RCAN2: variants seen among roughly 807,000 people sequenced by gnomAD.
The protein encoded by RCAN2 is regulator of calcineurin 2, also known as calcipressin-2.
Under a neutral mutation model 23.6 loss-of-function variants are expected in RCAN2, and 9 were observed. That is an observed-to-expected ratio of 0.38 (90% CI 0.23 to 0.67). The LOEUF is 0.67. RCAN2 is among the 30% of genes least tolerant of loss of function. The pLI is 0.51. For missense variants in RCAN2, 273 were observed against 302.3 expected, an observed-to-expected ratio of 0.90 and a Z score of 0.72; for synonymous variants, 109 against 115.7, an observed-to-expected ratio of 0.94 and a Z score of 0.37.
At chr6:46,320,345 C>CA (rs2150361653) in intron 2 of RCAN2, among the ~76,000 whole-genome samples, 1 of 152,276 alleles carries the variant, frequency 6.6e-6, no homozygotes, top group Non-Finnish European at 1.5e-5. Flanking sequence ...AAGCAGAGTA[C>CA]AAAGTGCATC....
intron 2 of RCAN2, among the ~76,000 whole-genome samples, chr6:46,290,398 G>A (rs1762519714): frequency 1.3e-5 from 2 of 152,150 alleles, no homozygotes; most frequent in Non-Finnish European, 2.9e-5. Flanking sequence ...GAGAAAAAGA[G>A]AATACAGAAA....
intron 2 of RCAN2, among the ~76,000 whole-genome samples, chr6:46,391,792 G>C (rs1021488538): frequency 6.6e-6 from 1 of 152,100 alleles, no homozygotes; most frequent in Admixed American, 6.6e-5. Flanking sequence ...GAAGGTGAAG[G>C]GGGGTGACAA....
chr6:46,269,890 C>T (rs1767468827), intron 2 of RCAN2, among the ~76,000 whole-genome samples: 1 of 152,156 alleles, frequency 6.6e-6, no homozygotes, highest in Admixed American at 6.5e-5. Flanking sequence ...ATCTTATGTT[C>T]CCCTCTCCTC....
At chr6:46,380,263 A>T (rs1376124997) in intron 2 of RCAN2, among the ~76,000 whole-genome samples, 1 of 152,250 alleles carries the variant, frequency 6.6e-6, no homozygotes, top group Non-Finnish European at 1.5e-5. Context: ...CTGTAGGAAC[A>T]GTCACACCAA....
chr6:46,278,392 CAT>C (rs922739119), intron 2 of RCAN2, among the ~76,000 whole-genome samples: 5 of 151,704 alleles, frequency 3.3e-5, no homozygotes, highest in Admixed American at 1.3e-4. Flanking sequence ...CACACACACA[CAT>C]ACACACAAAA....
At chr6:46,336,629 C>T (rs757240731) in intron 2 of RCAN2, among the ~76,000 whole-genome samples, 2 of 152,088 alleles carry the variant, frequency 1.3e-5, no homozygotes, top group African/African-American at 2.4e-5. Context: ...GGGTCATGGC[C>T]GCATAGCTGA....
At chr6:46,324,545 C>A (rs1025676562) in intron 2 of RCAN2, among the ~76,000 whole-genome samples, 1 of 152,142 alleles carries the variant, frequency 6.6e-6, no homozygotes, top group African/African-American at 2.4e-5. Flanking sequence ...ACCTTCTGTG[C>A]GTGTATATGT....
chr6:46,325,512 C>T (rs749987528), intron 2 of RCAN2: 2 of 1,612,928 alleles, frequency 1.2e-6, no homozygotes. Context: ...AAGAGTTAGG[C>T]AACCTCAGAG....
At chr6:46,418,660 T>C (rs557453978) in intron 2 of RCAN2, among the ~76,000 whole-genome samples, 221 of 147,734 alleles carry the variant, frequency 1.5e-3, no homozygotes, top group African/African-American at 5.3e-3. Context: ...ATCGGCTGAT[T>C]GTTAAATATA....
At chr6:46,245,734 A>C (rs548057928) in intron 4 of RCAN2, among the ~76,000 whole-genome samples, 1 of 152,158 alleles carries the variant, frequency 6.6e-6, no homozygotes, top group Non-Finnish European at 1.5e-5. Flanking sequence ...AAATGTACTG[A>C]TACCTGAACT....
chr6:46,326,634 T>C (rs1281413373), intron 2 of RCAN2, among the ~76,000 whole-genome samples: 2 of 152,222 alleles, frequency 1.3e-5, no homozygotes, highest in African/African-American at 4.8e-5. Context: ...TGTTTTTTAT[T>C]TTATCATTAG....
intron 2 of RCAN2, among the ~76,000 whole-genome samples, chr6:46,376,858 C>T (rs928375318): frequency 6.6e-6 from 1 of 151,944 alleles, no homozygotes; most frequent in African/African-American, 2.4e-5. Flanking sequence ...TTTCACTTCC[C>T]CCCGCCCCGC....
chr6:46,317,145 G>A lies in RCAN2; in HGVS notation c.226-68249C>T, dbSNP rs140608772. Among the ~76,000 whole-genome samples, 27 of 152,264 alleles carry A rather than the reference G, an allele frequency of 1.8e-4. No individual in the cohort carries two copies. The East Asian group carries it at 2.9e-3, about 16-fold the overall frequency. ...AGGTGGAGGAGCTGTCAAACCAGGCGCATGTCAAACCAGGGAAACCCTTGC... is the reference window on the plus strand; with the variant it reads ...AGGTGGAGGAGCTGTCAAACCAGGCACATGTCAAACCAGGGAAACCCTTGC... On this transcript the variant is annotated intron_variant, in intron 2 of 4. Transcript: ENST00000371374.
intron 2 of RCAN2, among the ~76,000 whole-genome samples, chr6:46,369,845 C>G (rs1287905059): frequency 6.6e-6 from 1 of 152,126 alleles, no homozygotes; most frequent in Non-Finnish European, 1.5e-5. Context: ...CAGCTAATCA[C>G]TTTTCCAATG....
At chr6:46,401,478 T>C (rs1315966875) in intron 2 of RCAN2, among the ~76,000 whole-genome samples, 1 of 152,060 alleles carries the variant, frequency 6.6e-6, no homozygotes. Flanking sequence ...ATCAAAGGTA[T>C]TGAGATGTCC....
intron 4 of RCAN2, 93 bp from the exon 5 acceptor site, chr6:46,223,394 TC>T: frequency 8.3e-7 from 1 of 1,210,264 alleles, no homozygotes; most frequent in Non-Finnish European, 1.2e-6. Context: ...AGGAGCATTT[TC>T]CAGGGTCTCA....
intron 2 of RCAN2, among the ~76,000 whole-genome samples, chr6:46,423,019 G>A (rs1766925365): frequency 6.6e-6 from 1 of 152,136 alleles, no homozygotes; most frequent in African/African-American, 2.4e-5. Context: ...TCCTGTGACT[G>A]TCAGGCCAGA....
In RCAN2 at chr6:46,248,867, A is replaced by C; in HGVS notation, c.255T>G (p.Tyr85Ter). The C allele has an allele frequency of 6.2e-7, 1 of 1,611,064 alleles. No homozygotes were observed. The change falls in exon 3 of 5, where the codon TAT becomes TAG. Residue 85 changes from tyrosine (Y) to a stop codon, truncating the protein, a stop_gained. Coordinates refer to ENST00000371374, the MANE Select transcript of RCAN2 (RefSeq NM_001251974.2). LOFTEE classifies it high-confidence loss of function. ...KEKFEGLFRTYDDCVTFQLFK... is the reference protein window; with the variant it reads ...KEKFEGLFRT ...ATAGCTGGAACGTCACACAGTCATC[A>C]TAAGTCCGAAACAGTCCCTCAAATT...
chr6:46,243,536 C>T (rs533653204), intron 4 of RCAN2, among the ~76,000 whole-genome samples: 21 of 152,162 alleles, frequency 1.4e-4, no homozygotes, highest in African/African-American at 4.8e-4. Flanking sequence ...TGAGGCCTAG[C>T]GCGGTGGCTC....
Sources: allele counts gnomAD v4.1 joint callset (sites outside exome capture counted in the v4.1 genomes callset), GRCh38; gene constraint gnomAD v4.1.1; transcripts MANE v1.5; gene names NCBI Gene and HGNC (gene_info 2026-07-23, HGNC 2026-07-21).